Variants in ISOC1 observed in about 807,000 individuals in gnomAD.
ISOC1 encodes isochorismatase domain containing 1, also known as isochorismatase domain-containing protein 1.
Under a neutral mutation model 30.0 loss-of-function variants are expected in ISOC1, and 33 were observed. That is an observed-to-expected ratio of 1.10 (90% CI 0.83 to 1.47). The LOEUF is 1.47. Among genes scored for constraint, ISOC1 ranks in the 40% most tolerant of loss-of-function variants. The probability of loss-of-function intolerance (pLI) is 0.00; values close to 1 mark genes in which losing one functional copy is unlikely to be tolerated. For missense variants in ISOC1, 372 were observed against 388.0 expected (o/e 0.96, Z 0.35); for synonymous variants, 178 against 159.8 (o/e 1.11, Z -0.86).
chr5:129,111,205 C>G (rs1471198950), intron 4 of ISOC1, among the ~76,000 whole-genome samples: 1 of 152,120 alleles, frequency 6.6e-6, no homozygotes. Context: ...TAACTCACCC[C>G]TGGTGTGTGT....
At chr5:129,109,564 C>T (rs1292757770) in intron 4 of ISOC1, among the ~76,000 whole-genome samples, 1 of 152,012 alleles carries the variant, frequency 6.6e-6, no homozygotes, top group Non-Finnish European at 1.5e-5. Flanking sequence ...AATCTGTTGT[C>T]TGGGGTGGAT....
At chr5:129,100,717 A>C (rs1375748400) in intron 1 of ISOC1, among the ~76,000 whole-genome samples, 2 of 152,098 alleles carry the variant, frequency 1.3e-5, no homozygotes, top group East Asian at 3.9e-4. Context: ...TCAAAGTAAG[A>C]AATTTCCGAA....
chr5:129,103,754 C>T (rs962716745), intron 1 of ISOC1, among the ~76,000 whole-genome samples: 6 of 152,082 alleles, frequency 3.9e-5, no homozygotes, highest in African/African-American at 1.4e-4. Context: ...GTAATCCAGA[C>T]ACAGACTCCT....
At chr5:129,095,596 G>A (rs1282430043) in intron 1 of ISOC1, among the ~76,000 whole-genome samples, 1 of 152,158 alleles carries the variant, frequency 6.6e-6, no homozygotes, top group Non-Finnish European at 1.5e-5. Flanking sequence ...CAGGTCCTTG[G>A]GCTTAAGAGT....
chr5:129,104,143 T>C (rs1178512932), intron 1 of ISOC1, among the ~76,000 whole-genome samples: 1 of 152,174 alleles, frequency 6.6e-6, no homozygotes, highest in East Asian at 1.9e-4. Context: ...ATGTCAAATA[T>C]AGGTCTCTTC....
rs868259229 is a variant in ISOC1 at position 129,101,194 on chromosome 5, T to A, written c.310-3762T>A. ...AAAAAAAAAAAAAAAAAAAAAAAAATATATATATATATATGGTTGGGTTGG... is the reference window on the plus strand; with the variant it reads ...AAAAAAAAAAAAAAAAAAAAAAAAAAATATATATATATATGGTTGGGTTGG... On this transcript the variant is annotated intron_variant, in intron 1 of 4. Coordinates refer to ENST00000173527, the MANE Select transcript of ISOC1 (RefSeq NM_016048.2). Among the ~76,000 whole-genome samples, 401 of 61,446 alleles carry A rather than the reference T, an allele frequency of 6.5e-3. 1 individual carries two copies. Among genetic ancestry groups the A allele is most frequent in the Non-Finnish European group, 8.8e-3 (260 of 29,494 alleles). 40.3% of individuals were successfully genotyped at this position (61,446 alleles called of 152,430 possible).
At chr5:129,103,021 T>C (rs376691099) in intron 1 of ISOC1, among the ~76,000 whole-genome samples, 49 of 152,356 alleles carry the variant, frequency 3.2e-4, no homozygotes, top group African/African-American at 1.1e-3. Context: ...TTTTTTGTTT[T>C]TGCTGGTTCT....
chr5:129,108,805 C>A (rs1334468730), intron 4 of ISOC1, among the ~76,000 whole-genome samples: 1 of 152,158 alleles, frequency 6.6e-6, no homozygotes, highest in African/African-American at 2.4e-5. Context: ...AACCACTGTG[C>A]CCGGTCAGAC....
At position 129,105,385 on chromosome 5, in the gene ISOC1, A is replaced by G. The variant is rs769458298; in HGVS notation, c.630A>G (p.Val210=). The change falls in exon 3 of 5, where the codon GTA becomes GTG. Residue 210 remains valine, a synonymous_variant. Transcript: ENST00000173527. ...PGVRSVVLFG[V]ETHVCIQQTA... ...TCAGGAGTGTTGTATTATTTGGAGTAGAAGTAAGTACCTGTTACTATCATT... is the reference window on the plus strand; with the variant it reads ...TCAGGAGTGTTGTATTATTTGGAGTGGAAGTAAGTACCTGTTACTATCATT... 26 of 1,611,274 alleles carry G rather than the reference A, an allele frequency of 1.6e-5. 2 individuals are homozygous for G. In the South Asian group the frequency reaches 2.9e-4, roughly 18 times the overall value.
Position 129,113,263 on chromosome 5 carries a change from A to G in ISOC1, c.*262A>G, listed in dbSNP as rs73235886. ...TTTATTAAAAAAAATTACAATGAAG[A>G]TGCCTGTTTTGTCTCTACTGTGTAC... is the stretch of plus-strand genomic sequence containing the variant. On this transcript the variant is annotated 3_prime_UTR_variant, in exon 5 of 5. Transcript: ENST00000173527. 7,741 of 320,226 alleles carry G rather than the reference A, an allele frequency of 0.024. 248 individuals carry two copies. The highest frequency in any genetic ancestry group is 0.097 in the African/African-American group (4,545 of 46,874). 19.8% of individuals were successfully genotyped at this position (320,226 alleles called of 1,614,324 possible). A position where few individuals can be genotyped will look rare whatever the true frequency, so the allele number is the denominator to read the frequency against.
intron 4 of ISOC1, 100 bp from the exon 5 acceptor site, chr5:129,112,755 A>C: frequency 1.5e-6 from 2 of 1,311,316 alleles, no homozygotes; most frequent in Non-Finnish European, 2.1e-6. Flanking sequence ...CGGTTTCAGT[A>C]GAGGACACTA....
intron 4 of ISOC1, among the ~76,000 whole-genome samples, chr5:129,108,447 C>T (rs1188877014): frequency 1.3e-5 from 2 of 151,740 alleles, no homozygotes; most frequent in Admixed American, 6.6e-5. Context: ...ATTAGATTAT[C>T]TGGTAGTTAG....
rs1399760014 is a variant in ISOC1, at chr5:129,105,193, G to A, written c.438G>A (p.Gly146=). ...IISVGQRLLQ[G]ARILGIPVIV... ...TGGTTATTTTTTTTCAGTTGCAAGG[G>A]GCCCGGATTTTAGGAATTCCTGTTA... The change falls in exon 3 of 5, where the codon GGG becomes GGA. Residue 146 remains glycine (G), a synonymous_variant. Coordinates refer to ENST00000173527, the MANE Select transcript of ISOC1 (RefSeq NM_016048.2). The A allele has an allele frequency of 6.2e-7, 1 of 1,613,324 alleles. No homozygotes were observed. The highest frequency in any genetic ancestry group is 8.5e-7 in the Non-Finnish European group (1 of 1,179,738).
At chr5:129,112,727 T>G (rs1753724405) in intron 4 of ISOC1, 128 bp from the exon 5 acceptor site, 6 of 932,730 alleles carry the variant, frequency 6.4e-6, no homozygotes, top group Admixed American at 2.5e-5. Context: ...CTGAACTTGA[T>G]GGTATGGCTG....
rs1232679076 is a variant in ISOC1 at position 129,104,953 on chromosome 5, C to T, written c.310-3C>T. 3.7e-6 allele frequency: 6 copies of T among 1,609,932 alleles called. No individual in the cohort carries two copies. The African/African-American group carries it at 8.0e-5, about 22-fold the overall frequency. ...TAAATCATTCTTTTTCTTTTTTCCT[C>T]AGCTCACTACCCTGGGAAATCTTAC... On this transcript the variant is annotated splice_region_variant and splice_polypyrimidine_tract_variant and intron_variant, in intron 1 of 4. Coordinates refer to ENST00000173527, the MANE Select transcript of ISOC1 (RefSeq NM_016048.2).
intron 4 of ISOC1, among the ~76,000 whole-genome samples, chr5:129,112,241 A>G (rs530225032): frequency 6.1e-4 from 93 of 152,306 alleles, no homozygotes; most frequent in African/African-American, 2.0e-3. Flanking sequence ...CGATTTTTAA[A>G]ACATGAAGAG....
intron 1 of ISOC1, among the ~76,000 whole-genome samples, chr5:129,097,332 C>T (rs564569900): frequency 6.6e-6 from 1 of 151,926 alleles, no homozygotes; most frequent in African/African-American, 2.4e-5. Flanking sequence ...CACTGTGTAT[C>T]GTATATACCT....
At chr5:129,105,419 ATATTATT>A (rs1475708425) in intron 3 of ISOC1, 31 bp downstream of exon 3, 1 of 1,545,032 alleles carries the variant, frequency 6.5e-7, no homozygotes, top group Non-Finnish European at 8.9e-7. Flanking sequence ...TTTAGGCACA[ATATTATT>A]TATAGAAAAC....
At chr5:129,100,940 G>T (rs1489313719) in intron 1 of ISOC1, among the ~76,000 whole-genome samples, 2 of 150,288 alleles carry the variant, frequency 1.3e-5, no homozygotes, top group Non-Finnish European at 3.0e-5. Flanking sequence ...TTTTATTTTA[G>T]AATAGCTTTA....
Sources: allele counts gnomAD v4.1 joint callset (sites outside exome capture counted in the v4.1 genomes callset), GRCh38; gene constraint gnomAD v4.1.1; transcripts MANE v1.5; gene names NCBI Gene and HGNC (gene_info 2026-07-23, HGNC 2026-07-21).